SLC8A3: variants seen among roughly 807,000 people sequenced by gnomAD.
SLC8A3 encodes solute carrier family 8 member A3, also known as sodium/calcium exchanger 3.
A neutral mutation model predicts 65.4 loss-of-function variants in SLC8A3; 37 were observed. The observed-to-expected ratio is 0.57, with a 90% CI of 0.44 to 0.74. The LOEUF (loss-of-function observed/expected upper bound fraction) is 0.74. SLC8A3 is among the 30% of genes least tolerant of loss of function. SLC8A3 has a pLI of 0.00. For missense variants in SLC8A3, 1,112 were observed against 1,172.1 expected, an observed-to-expected ratio of 0.95 and a Z score of 0.75; for synonymous variants, 461 against 444.5, an observed-to-expected ratio of 1.04 and a Z score of -0.47.
At chr14:70,074,217 T>TAG (rs1890276145) in intron 2 of SLC8A3, among the ~76,000 whole-genome samples, 2 of 151,988 alleles carry the variant, frequency 1.3e-5, no homozygotes, top group Non-Finnish European at 2.9e-5. Flanking sequence ...CCATTTGGGG[T>TAG]GTGTTGAATT....
rs1413854160 is a variant in SLC8A3 at position 70,167,751 on chromosome 14, GA to G, written c.671del (p.Phe224SerfsTer52). 6.2e-7 allele frequency: 1 copy of G among 1,614,098 alleles called. No individual in the cohort carries two copies. The highest frequency in any genetic ancestry group is 8.5e-7 in the Non-Finnish European group (1 of 1,180,046). ...CCCAAACCTGGACCACACCAGGGGA[GA>G]AGACTGCCAGAATCATATAGAGCCA... is the stretch of plus-strand genomic sequence containing the variant. ...YIWLYMILAV[F>X]SPGVVQVWEG... On this transcript the variant is annotated frameshift_variant, in exon 2 of 7. Coordinates refer to ENST00000356921, the MANE Select transcript of SLC8A3 (RefSeq NM_182932.3). LOFTEE classifies it high-confidence loss of function.
intron 2 of SLC8A3, among the ~76,000 whole-genome samples, chr14:70,127,413 C>T (rs185027441): frequency 9.9e-5 from 15 of 152,260 alleles, no homozygotes; most frequent in Admixed American, 7.8e-4. Flanking sequence ...GCTTTATTGA[C>T]GGTTTTGTAG....
chr14:70,062,656 G>A (rs982248010), intron 2 of SLC8A3, among the ~76,000 whole-genome samples: 2 of 152,240 alleles, frequency 1.3e-5, no homozygotes, highest in African/African-American at 2.4e-5. Context: ...TTATTGCTAA[G>A]TGATGCACGA....
chr14:70,099,921 T>G (rs1026197567), intron 2 of SLC8A3, among the ~76,000 whole-genome samples: 1 of 152,192 alleles, frequency 6.6e-6, no homozygotes, highest in African/African-American at 2.4e-5. Flanking sequence ...GTCTGGTCCA[T>G]TATGCACGAG....
chr14:70,070,973 T>C (rs555375905), intron 2 of SLC8A3, among the ~76,000 whole-genome samples: 265 of 152,336 alleles, frequency 1.7e-3, no homozygotes, highest in Non-Finnish European at 3.2e-3. Context: ...TCTTGTGAGA[T>C]GGTAGGAGTC....
intron 2 of SLC8A3, among the ~76,000 whole-genome samples, chr14:70,083,764 A>ATGGTAAATGGTACAGCTCAGCTTAGG (rs1188220349): frequency 6.6e-6 from 1 of 152,234 alleles, no homozygotes; most frequent in Non-Finnish European, 1.5e-5. Context: ...GTTCACATAG[A>ATGGTAAATGGTACAGCTCAGCTTAGG]TGGTAAATGG....
At chr14:70,051,683 A>G (rs1208625494) in intron 4 of SLC8A3, among the ~76,000 whole-genome samples, 5 of 152,230 alleles carry the variant, frequency 3.3e-5, no homozygotes, top group Non-Finnish European at 7.3e-5. Flanking sequence ...CTTGCCCTGT[A>G]GTAGTGAGTT....
chr14:70,100,073 T>C (rs569057140), intron 2 of SLC8A3, among the ~76,000 whole-genome samples: 4 of 152,360 alleles, frequency 2.6e-5, no homozygotes, highest in African/African-American at 9.6e-5. Context: ...CACTTTGGCC[T>C]ACCTTGTTCT....
chr14:70,131,077 G>T (rs1351550400), intron 2 of SLC8A3, among the ~76,000 whole-genome samples: 1 of 152,190 alleles, frequency 6.6e-6, no homozygotes, highest in Non-Finnish European at 1.5e-5. Context: ...TAGAGAAAAA[G>T]ATACTGATGA....
chr14:70,107,605 C>T (rs1438947708), intron 2 of SLC8A3, among the ~76,000 whole-genome samples: 4 of 152,132 alleles, frequency 2.6e-5, no homozygotes, highest in Admixed American at 6.5e-5. Context: ...GGGGTCCTAA[C>T]ACAATCACAG....
At chr14:70,134,291 C>T (rs1330351426) in intron 2 of SLC8A3, among the ~76,000 whole-genome samples, 1 of 152,168 alleles carries the variant, frequency 6.6e-6, no homozygotes, top group East Asian at 1.9e-4. Context: ...AAGGATTGAG[C>T]TTTCCAACAA....
chr14:70,136,908 T>C (rs1017714423), intron 2 of SLC8A3, among the ~76,000 whole-genome samples: 9 of 152,234 alleles, frequency 5.9e-5, no homozygotes, highest in African/African-American at 1.2e-4. Flanking sequence ...AATGAGTGAA[T>C]GAAAGAAGAA....
chr14:70,140,239 G>A (rs539979661), intron 2 of SLC8A3, among the ~76,000 whole-genome samples: 1 of 152,184 alleles, frequency 6.6e-6, no homozygotes, highest in Admixed American at 6.5e-5. Context: ...AAAATGAGTG[G>A]AGAAAAAAAC....
rs1317289106 is a variant in SLC8A3 at position 70,051,031 on chromosome 14, A to G, written c.2090T>C (p.Met697Thr). ...VGTHSWRDQF[M>T]EAITVSAAGD... ...ACCTGCACTGACGGTGATGGCCTCC[A>G]TGAACTGGTCCCTCCAGGAATGGGT... is the stretch of plus-strand genomic sequence containing the variant. The change falls in exon 5 of 7, where the codon ATG (methionine) becomes ACG (threonine). Residue 697 changes from methionine (M) to threonine (T), a missense_variant. Coordinates refer to ENST00000356921, the MANE Select transcript of SLC8A3 (RefSeq NM_182932.3). 6.2e-7 allele frequency: 1 copy of G among 1,612,964 alleles called. No individual in the cohort carries two copies. Among genetic ancestry groups the G allele is most frequent in the Non-Finnish European group, 8.5e-7 (1 of 1,179,152 alleles).
intron 2 of SLC8A3, among the ~76,000 whole-genome samples, chr14:70,061,568 A>AAG (rs3052680): frequency 6.5e-4 from 98 of 150,138 alleles, no homozygotes; most frequent in Non-Finnish European, 1.0e-3. Context: ...GAGAAAGAGA[A>AAG]AGAGAGAGAG....
chr14:70,105,126 G>A (rs995373591), intron 2 of SLC8A3, among the ~76,000 whole-genome samples: 11 of 152,228 alleles, frequency 7.2e-5, no homozygotes, highest in South Asian at 6.2e-4. Flanking sequence ...TCAGGAGATC[G>A]AGACCATCCT....
chr14:70,060,399 C>T (rs945436826), intron 3 of SLC8A3, among the ~76,000 whole-genome samples: 2 of 152,268 alleles, frequency 1.3e-5, no homozygotes, highest in East Asian at 1.9e-4. Flanking sequence ...GCATGCATCG[C>T]ATCACATTCC....
Position 70,164,807 on chromosome 14 carries a change from G to A in SLC8A3, c.1784+1832C>T, listed in dbSNP as rs7143465. ...ATATCTTCTTCCACACTGACATCGC[G>A]ATAATCATGTGAAATTCCATGGAGT... On this transcript the variant is annotated intron_variant, in intron 2 of 6. Transcript: ENST00000356921. Among the ~76,000 whole-genome samples, 24 of 152,106 alleles carry A rather than the reference G, an allele frequency of 1.6e-4. No homozygotes were observed. The East Asian group carries it at 4.3e-3, about 27-fold the overall frequency.
At chr14:70,175,351 A>C (rs1413256903) in intron 1 of SLC8A3, among the ~76,000 whole-genome samples, 2 of 152,218 alleles carry the variant, frequency 1.3e-5, no homozygotes, top group Non-Finnish European at 2.9e-5. Context: ...TAGGGGCCTC[A>C]AAGATTCATA....
Sources: gnomAD v4.1 joint callset for allele counts (sites outside exome capture counted in the v4.1 genomes callset) on GRCh38, gnomAD v4.1.1 for gene constraint, MANE v1.5 for transcripts, NCBI Gene and HGNC (gene_info 2026-07-23, HGNC 2026-07-21) for gene names.